NLGN1: variants seen among roughly 807,000 people sequenced by gnomAD.
NLGN1 encodes neuroligin 1.
In NLGN1, 12 loss-of-function variants were observed where a neutral mutation model predicts 65.5. The observed-to-expected ratio is 0.18, with a 90% CI of 0.12 to 0.30. NLGN1 has a LOEUF of 0.30. Ranked by LOEUF, NLGN1 falls within the 10% of genes least tolerant of loss-of-function variation. The pLI, the probability that NLGN1 is intolerant of heterozygous loss-of-function variation, is 1.00. For synonymous variants in NLGN1, 350 were observed against 359.5 expected (o/e 0.97, Z 0.30); for missense variants, 750 against 1,007.1 (o/e 0.74, Z 3.46).
intron 4 of NLGN1, among the ~76,000 whole-genome samples, chr3:174,041,145 C>T (rs1174886700): frequency 6.6e-6 from 1 of 152,052 alleles, no homozygotes; most frequent in Admixed American, 6.6e-5. Flanking sequence ...CCAGCCATTG[C>T]CACCTGTCCC....
At chr3:174,138,529 G>C (rs569507161) in intron 4 of NLGN1, among the ~76,000 whole-genome samples, 7 of 150,130 alleles carry the variant, frequency 4.7e-5, no homozygotes, top group Non-Finnish European at 7.4e-5. Flanking sequence ...CCGCCTCCCA[G>C]GTTCACGCCA....
chr3:174,239,863 A>G (rs1005146390), intron 4 of NLGN1, among the ~76,000 whole-genome samples: 1 of 152,234 alleles, frequency 6.6e-6, no homozygotes, highest in Non-Finnish European at 1.5e-5. Flanking sequence ...ATAAAGAAAA[A>G]GAAAACATTA....
chr3:173,868,997 A>G (rs1730698813), intron 4 of NLGN1, among the ~76,000 whole-genome samples: 1 of 152,156 alleles, frequency 6.6e-6, no homozygotes, highest in Admixed American at 6.5e-5. Context: ...AAGTTTTCAA[A>G]AAGTATAAGG....
intron 4 of NLGN1, among the ~76,000 whole-genome samples, chr3:173,840,800 A>G (rs754915704): frequency 3.9e-5 from 6 of 152,008 alleles, no homozygotes; most frequent in South Asian, 2.1e-4. Context: ...ATCTACCACT[A>G]TTTTCTTAAC....
chr3:174,159,065 T>C (rs374861580), intron 4 of NLGN1, among the ~76,000 whole-genome samples: 7 of 151,698 alleles, frequency 4.6e-5, no homozygotes, highest in African/African-American at 1.7e-4. Flanking sequence ...GAGTAACTCC[T>C]GAGTCAACTC....
intron 4 of NLGN1, among the ~76,000 whole-genome samples, chr3:174,120,042 C>T (rs1195513115): frequency 6.6e-6 from 1 of 152,124 alleles, no homozygotes; most frequent in African/African-American, 2.4e-5. Flanking sequence ...TGTCCATTGA[C>T]ATTAAAAATA....
chr3:173,464,526 C>T (rs1723980833), intron 2 of NLGN1, among the ~76,000 whole-genome samples: 2 of 145,404 alleles, frequency 1.4e-5, no homozygotes, highest in South Asian at 4.5e-4. Context: ...ACCTCTGCCT[C>T]CTGGGTTCAA....
chr3:173,415,188 T>C (rs571440841), intron 1 of NLGN1, among the ~76,000 whole-genome samples: 18 of 152,304 alleles, frequency 1.2e-4, no homozygotes, highest in Admixed American at 3.3e-4. Flanking sequence ...TTGTAGTAAC[T>C]CAGTTGTATG....
At chr3:173,720,635 A>G (rs1770681818) in intron 3 of NLGN1, among the ~76,000 whole-genome samples, 1 of 152,250 alleles carries the variant, frequency 6.6e-6, no homozygotes, top group Admixed American at 6.5e-5. Context: ...AAAACACAAC[A>G]AAACTAAACA....
intron 4 of NLGN1, among the ~76,000 whole-genome samples, chr3:174,023,646 A>G (rs1728220732): frequency 6.6e-6 from 1 of 152,128 alleles, no homozygotes; most frequent in South Asian, 2.1e-4. Context: ...GCTATCCAGG[A>G]TGACTGTGTT....
At chr3:174,078,401 G>A (rs189934511) in intron 4 of NLGN1, among the ~76,000 whole-genome samples, 4 of 152,222 alleles carry the variant, frequency 2.6e-5, no homozygotes, top group Non-Finnish European at 5.9e-5. Context: ...CCATTGGAAG[G>A]GTTCTAGGCA....
intron 4 of NLGN1, among the ~76,000 whole-genome samples, chr3:173,992,983 T>C (rs980407038): frequency 1.3e-5 from 2 of 152,210 alleles, no homozygotes; most frequent in Non-Finnish European, 2.9e-5. Context: ...TTAATGATTG[T>C]GTGGCGTAAT....
At chr3:173,674,076 C>G (rs547296033) in intron 3 of NLGN1, among the ~76,000 whole-genome samples, 3 of 152,152 alleles carry the variant, frequency 2.0e-5, no homozygotes, top group Middle Eastern at 3.4e-3. Context: ...CCGTATGTTC[C>G]CTGCCTCCAG....
At chr3:174,213,851 G>C (rs1737124532) in intron 4 of NLGN1, among the ~76,000 whole-genome samples, 1 of 152,102 alleles carries the variant, frequency 6.6e-6, no homozygotes, top group Non-Finnish European at 1.5e-5. Flanking sequence ...TTTAGGTGAT[G>C]ATTTATAGCA....
intron 2 of NLGN1, among the ~76,000 whole-genome samples, chr3:173,443,837 A>C (rs915436377): frequency 6.6e-6 from 1 of 152,220 alleles, no homozygotes; most frequent in Admixed American, 6.5e-5. Context: ...TTTTCAAGGT[A>C]ATACAATTTT....
At chr3:173,877,434 A>T (rs960453140) in intron 4 of NLGN1, among the ~76,000 whole-genome samples, 1 of 152,124 alleles carries the variant, frequency 6.6e-6, no homozygotes, top group Non-Finnish European at 1.5e-5. Context: ...CAAAGGAGAC[A>T]TCACAACTAA....
At chr3:174,021,438 G>C (rs1727729994) in intron 4 of NLGN1, among the ~76,000 whole-genome samples, 1 of 152,048 alleles carries the variant, frequency 6.6e-6, no homozygotes, top group African/African-American at 2.4e-5. Flanking sequence ...AAATGATGGT[G>C]TTACTAGAAG....
chr3:173,721,141 C>T (rs576453781), intron 3 of NLGN1, among the ~76,000 whole-genome samples: 46 of 152,304 alleles, frequency 3.0e-4, no homozygotes, highest in African/African-American at 1.1e-3. Context: ...AAGCTGCAAG[C>T]CTCAACAATG....
chr3:174,187,067 G>A (rs1338657851), intron 4 of NLGN1, among the ~76,000 whole-genome samples: 1 of 151,860 alleles, frequency 6.6e-6, no homozygotes, highest in Non-Finnish European at 1.5e-5. Context: ...TACAATGTGA[G>A]TACTATGTAA....
Sources: allele counts gnomAD v4.1 joint callset (sites outside exome capture counted in the v4.1 genomes callset), GRCh38; gene constraint gnomAD v4.1.1; transcripts MANE v1.5; gene names NCBI Gene and HGNC (gene_info 2026-07-23, HGNC 2026-07-21).